Variants in ATXN7L1 observed in about 807,000 individuals in gnomAD.
The protein encoded by ATXN7L1 is ataxin 7 like 1, also known as ataxin-7-like protein 1.
ATXN7L1 carries 15 observed loss-of-function variants against 70.8 expected under a neutral mutation model. The observed-to-expected ratio is 0.21, with a 90% CI of 0.14 to 0.33. ATXN7L1 has a LOEUF of 0.33. Ranked by LOEUF, ATXN7L1 falls within the 10% of genes least tolerant of loss-of-function variation. The pLI is 1.00. For missense variants in ATXN7L1, 975 were observed against 1,097.1 expected, an observed-to-expected ratio of 0.89 and a Z score of 1.57; for synonymous variants, 440 against 445.1, an observed-to-expected ratio of 0.99 and a Z score of 0.14.
At chr7:105,766,558 T>C (rs755493792) in intron 3 of ATXN7L1, among the ~76,000 whole-genome samples, 2 of 152,158 alleles carry the variant, frequency 1.3e-5, no homozygotes, top group Non-Finnish European at 2.9e-5. Flanking sequence ...TGGGAGATTC[T>C]GAGAAAGCAT....
At chr7:105,733,269 T>C (rs556112717) in intron 3 of ATXN7L1, among the ~76,000 whole-genome samples, 1 of 152,372 alleles carries the variant, frequency 6.6e-6, no homozygotes, top group East Asian at 1.9e-4. Context: ...TGGTGAATCA[T>C]ATGTGCTCAT....
In ATXN7L1 at chr7:105,607,683, T is replaced by C. The variant is rs1480821551; in HGVS notation, c.*169A>G. On this transcript the variant is annotated 3_prime_UTR_variant, in exon 12 of 12. Transcript: ENST00000419735. ...TCAAATTCACCTTCTTTTGCCTTTT[T>C]AACTAAAAATTGGTCAATTAAAAAA... 1.7e-6 allele frequency: 1 copy of C among 579,948 alleles called. No homozygotes were observed. Among genetic ancestry groups the C allele is most frequent in the Non-Finnish European group, 3.1e-6 (1 of 323,420 alleles). 35.9% of individuals were successfully genotyped at this position (579,948 alleles called of 1,614,324 possible). A position where few individuals can be genotyped will look rare whatever the true frequency, so the allele number is the denominator to read the frequency against.
At chr7:105,816,831 T>C (rs982849230) in intron 2 of ATXN7L1, among the ~76,000 whole-genome samples, 2 of 152,242 alleles carry the variant, frequency 1.3e-5, no homozygotes, top group Non-Finnish European at 2.9e-5. Context: ...ATGCAGCTGA[T>C]GACAGCTGTC....
chr7:105,610,910 C>T lies in ATXN7L1; in HGVS notation c.2473-307G>A, dbSNP rs375226197. Among the ~76,000 whole-genome samples, 88 of 152,306 alleles carry T rather than the reference C, an allele frequency of 5.8e-4. 1 individual carries two copies. The highest frequency in any genetic ancestry group is 6.8e-3 in the Middle Eastern group (2 of 294). On this transcript the variant is annotated intron_variant, in intron 10 of 11. Coordinates refer to ENST00000419735, the MANE Select transcript of ATXN7L1 (RefSeq NM_020725.2). Reference sequence around the variant, plus strand: ...AAGGCATCTGGTGGAGATGCCTGGCCCCTCCTGGGAGCTTCACTCAGCAGA... The same window carrying T: ...AAGGCATCTGGTGGAGATGCCTGGCTCCTCCTGGGAGCTTCACTCAGCAGA...
intron 11 of ATXN7L1, 26 bp downstream of exon 11, chr7:105,610,503 C>CGG: frequency 9.6e-6 from 9 of 942,196 alleles, no homozygotes; most frequent in Non-Finnish European, 1.4e-5. Context: ...TGAATTTTTG[C>CGG]CCCACCCCCA....
chr7:105,692,613 G>GT (rs1182333969), intron 3 of ATXN7L1, among the ~76,000 whole-genome samples: 4 of 151,868 alleles, frequency 2.6e-5, no homozygotes, highest in Non-Finnish European at 5.9e-5. Context: ...CGCCTGGCTA[G>GT]TTTTTGTATT....
intron 2 of ATXN7L1, among the ~76,000 whole-genome samples, chr7:105,832,760 C>T (rs961341316): frequency 6.6e-6 from 1 of 152,206 alleles, no homozygotes; most frequent in African/African-American, 2.4e-5. Context: ...GCTTCTTACA[C>T]AAGTCTGCCC....
intron 2 of ATXN7L1, among the ~76,000 whole-genome samples, chr7:105,845,502 G>GT (rs1813890726): frequency 1.8e-5 from 2 of 112,354 alleles, no homozygotes; most frequent in South Asian, 2.8e-4. Context: ...CGTAATCTTT[G>GT]TAAGTACCCA....
chr7:105,628,087 C>A (rs1156239740), intron 7 of ATXN7L1, among the ~76,000 whole-genome samples: 1 of 151,576 alleles, frequency 6.6e-6, no homozygotes, highest in Non-Finnish European at 1.5e-5. Flanking sequence ...TCGTGATCCA[C>A]CCGTCTCGGC....
chr7:105,679,075 C>T lies in ATXN7L1; in HGVS notation c.356-13787G>A, dbSNP rs567042892. 4.0e-5 allele frequency: 39 copies of T among 985,942 alleles called. 1 individual carries two copies. In the Admixed American group the frequency reaches 1.9e-3, roughly 48 times the overall value. The allele number at this position is 985,942 out of a possible 1,614,324, so 61.1% of individuals were successfully genotyped here. On this transcript the variant is annotated intron_variant, in intron 3 of 11. Transcript: ENST00000419735. ...ACACATCCCGGGGAGGCTGCCTTGC[C>T]GTTTGGATAAGGAGGCTGACACACG...
chr7:105,610,665 T>C, intron 10 of ATXN7L1, 62 bp from the exon 11 acceptor site: 2 of 1,395,744 alleles, frequency 1.4e-6, no homozygotes, highest in South Asian at 2.5e-5. Context: ...GGCCCGCCGA[T>C]GCCACATGTT....
At chr7:105,671,693 T>A (rs1803721313) in intron 3 of ATXN7L1, among the ~76,000 whole-genome samples, 1 of 151,648 alleles carries the variant, frequency 6.6e-6, no homozygotes, top group South Asian at 2.1e-4. Flanking sequence ...GCTCAGGAGT[T>A]CAAAACTAGC....
chr7:105,739,362 G>A (rs1348515170), intron 3 of ATXN7L1, among the ~76,000 whole-genome samples: 2 of 152,216 alleles, frequency 1.3e-5, no homozygotes, highest in Admixed American at 6.5e-5. Context: ...AGATCCTCAG[G>A]TGAGTTGCAT....
rs554038576 is a variant in ATXN7L1, at chr7:105,613,898, C to T, written c.2436G>A (p.Pro812=). The T allele has an allele frequency of 1.3e-5, 20 of 1,552,000 alleles. No homozygotes were observed. Among genetic ancestry groups the T allele is most frequent in the East Asian group, 4.9e-5 (2 of 40,912 alleles). Residue 812 remains proline, a synonymous_variant, in exon 10 of 12, where the codon CCG becomes CCA. Coordinates refer to ENST00000419735, the MANE Select transcript of ATXN7L1 (RefSeq NM_020725.2). Reference sequence around the variant, plus strand: ...AGGTGCTGTTAACGGGATCGGGCACCGGTGCGAGAAGGCTGGGCGGGTTCT... The same window carrying T: ...AGGTGCTGTTAACGGGATCGGGCACTGGTGCGAGAAGGCTGGGCGGGTTCT... ...HKKNPPSLLA[P]VPDPVNSTSS... is the part of the protein sequence containing the mutation.
intron 2 of ATXN7L1, among the ~76,000 whole-genome samples, chr7:105,841,347 A>T (rs2116610610): frequency 6.6e-6 from 1 of 152,378 alleles, no homozygotes; most frequent in Non-Finnish European, 1.5e-5. Context: ...GAAAAGTGGA[A>T]CTAATACAGC....
At chr7:105,613,791 C>A (rs34854041) in intron 10 of ATXN7L1, 71 bp downstream of exon 10, 1 of 1,550,002 alleles carries the variant, frequency 6.5e-7, no homozygotes, top group South Asian at 1.2e-5. Context: ...AGCCGCCCGG[C>A]TAAGCAGGGG....
intron 8 of ATXN7L1, among the ~76,000 whole-genome samples, chr7:105,623,708 A>G (rs1162287406): frequency 6.6e-6 from 1 of 152,190 alleles, no homozygotes; most frequent in Non-Finnish European, 1.5e-5. Flanking sequence ...TGGACATCAG[A>G]GGCTCCGTTT....
intron 9 of ATXN7L1, among the ~76,000 whole-genome samples, chr7:105,617,188 G>A (rs979994860): frequency 5.9e-5 from 9 of 152,100 alleles, no homozygotes; most frequent in Non-Finnish European, 8.8e-5. Context: ...CACCAGGCCC[G>A]GATAAATTTT....
intron 3 of ATXN7L1, among the ~76,000 whole-genome samples, chr7:105,733,549 T>C (rs1217909081): frequency 4.9e-5 from 6 of 122,114 alleles, no homozygotes; most frequent in East Asian, 3.1e-4. Context: ...CACCCATCCA[T>C]CCATCCACCC....
Sources: allele counts gnomAD v4.1 joint callset (sites outside exome capture counted in the v4.1 genomes callset), GRCh38; gene constraint gnomAD v4.1.1; transcripts MANE v1.5; gene names NCBI Gene and HGNC (gene_info 2026-07-23, HGNC 2026-07-21).